The following CADM2 variants were observed in gnomAD, a reference collection of about 807,000 sequenced individuals.
The protein encoded by CADM2 is cell adhesion molecule 2, also known as immunoglobulin superfamily member 4D.
Under a neutral mutation model 49.8 loss-of-function variants are expected in CADM2, and 12 were observed. The observed-to-expected ratio is 0.24, with a 90% CI of 0.15 to 0.39. The LOEUF (loss-of-function observed/expected upper bound fraction) is 0.39. Among genes scored for constraint, CADM2 ranks in the 10% least tolerant of loss-of-function variants. The pLI is 1.00. For synonymous variants in CADM2, 214 were observed against 175.4 expected, an observed-to-expected ratio of 1.22 and a Z score of -1.74; for missense variants, 378 against 492.3, an observed-to-expected ratio of 0.77 and a Z score of 2.20.
chr3:85,189,976 T>A (rs1576078220), intron 1 of CADM2, among the ~76,000 whole-genome samples: 1 of 81,176 alleles, frequency 1.2e-5, no homozygotes, highest in East Asian at 3.6e-4. Flanking sequence ...TTTTTTTTTT[T>A]AGTGTCTGCA....
chr3:85,837,698 A>G (rs538786477), intron 3 of CADM2, among the ~76,000 whole-genome samples: 13 of 151,912 alleles, frequency 8.6e-5, no homozygotes, highest in Middle Eastern at 6.8e-3. Flanking sequence ...CTGACAAACA[A>G]TATACTGCTT....
chr3:85,536,591 C>T (rs561925365), intron 1 of CADM2, among the ~76,000 whole-genome samples: 1 of 152,050 alleles, frequency 6.6e-6, no homozygotes, highest in Non-Finnish European at 1.5e-5. Flanking sequence ...GTGGTTCTGA[C>T]TTGCATTTTC....
intron 1 of CADM2, among the ~76,000 whole-genome samples, chr3:85,365,484 GT>G (rs1454134997): frequency 1.3e-5 from 2 of 152,068 alleles, no homozygotes. Flanking sequence ...ATTTCTGTTA[GT>G]AATAGCCTTG....
intron 1 of CADM2, among the ~76,000 whole-genome samples, chr3:85,391,057 A>G (rs2107395871): frequency 6.6e-6 from 1 of 152,146 alleles, no homozygotes; most frequent in South Asian, 2.1e-4. Context: ...CAAGGCTAGG[A>G]GAAGATCCAG....
chr3:85,558,602 A>G (rs907697865), intron 1 of CADM2, among the ~76,000 whole-genome samples: 16 of 152,036 alleles, frequency 1.1e-4, no homozygotes, highest in Non-Finnish European at 2.2e-4. Flanking sequence ...TTCTATGTAA[A>G]TGTGTGAATA....
intron 1 of CADM2, among the ~76,000 whole-genome samples, chr3:85,526,084 G>T (rs2061153013): frequency 6.6e-6 from 1 of 152,070 alleles, no homozygotes; most frequent in Non-Finnish European, 1.5e-5. Context: ...TCGTGAGTCA[G>T]CCAGGCCTCT....
chr3:85,234,052 G>A (rs1189286997), intron 1 of CADM2, among the ~76,000 whole-genome samples: 1 of 152,034 alleles, frequency 6.6e-6, no homozygotes, highest in East Asian at 1.9e-4. Context: ...TATGTCACTT[G>A]ATTAGGTACT....
Position 86,068,131 on chromosome 3 carries a change from T to C in CADM2, c.*1348T>C, listed in dbSNP as rs1040859182. The C allele has an allele frequency of 6.8e-4, 103 of 152,558 alleles. No homozygotes were observed. The highest frequency in any genetic ancestry group is 2.4e-3 in the African/African-American group (100 of 41,564). 9.5% of individuals were successfully genotyped at this position (152,558 alleles called of 1,614,324 possible). Reference sequence around the variant, plus strand: ...ATTCTTTATATTAAATTCCTGTCTATGCATTTTGTGAGGTACAAACTGATG... The same window carrying C: ...ATTCTTTATATTAAATTCCTGTCTACGCATTTTGTGAGGTACAAACTGATG... On this transcript the variant is annotated 3_prime_UTR_variant, in exon 10 of 10. Transcript: ENST00000383699.
intron 8 of CADM2, among the ~76,000 whole-genome samples, chr3:86,041,439 C>A (rs986115437): frequency 6.6e-6 from 1 of 152,086 alleles, no homozygotes; most frequent in Non-Finnish European, 1.5e-5. Context: ...ATCCTAGTCT[C>A]TGATAAAACA....
At chr3:85,469,462 C>A (rs1320768601) in intron 1 of CADM2, among the ~76,000 whole-genome samples, 1 of 151,880 alleles carries the variant, frequency 6.6e-6, no homozygotes, top group South Asian at 2.1e-4. Context: ...CCAAATGGAC[C>A]CAATAGTTTA....
chr3:85,625,209 A>G (rs1237173403), intron 1 of CADM2, among the ~76,000 whole-genome samples: 1 of 152,166 alleles, frequency 6.6e-6, no homozygotes, highest in Admixed American at 6.6e-5. Flanking sequence ...GAAAACTCAG[A>G]CCCAAATTCT....
chr3:85,905,758 A>G (rs929639188), intron 5 of CADM2, among the ~76,000 whole-genome samples: 2 of 152,150 alleles, frequency 1.3e-5, no homozygotes, highest in Non-Finnish European at 2.9e-5. Flanking sequence ...GAATGTCCCA[A>G]TGGGTAATTT....
chr3:85,683,550 G>T (rs138993930), intron 1 of CADM2, among the ~76,000 whole-genome samples: 48 of 152,172 alleles, frequency 3.2e-4, no homozygotes, highest in Non-Finnish European at 5.0e-4. Flanking sequence ...TACATGAAAA[G>T]AAAAATATAA....
At chr3:85,294,058 A>G (rs1576299411) in intron 1 of CADM2, among the ~76,000 whole-genome samples, 1 of 151,854 alleles carries the variant, frequency 6.6e-6, no homozygotes, top group Middle Eastern at 3.4e-3. Flanking sequence ...TCAGCCCAAC[A>G]TCTTCTTAAG....
intron 1 of CADM2, among the ~76,000 whole-genome samples, chr3:85,117,490 G>C (rs2038680406): frequency 6.6e-6 from 1 of 152,106 alleles, no homozygotes; most frequent in South Asian, 2.1e-4. Flanking sequence ...TTATGGATTA[G>C]TGTAAAAAAG....
At chr3:85,879,069 A>T (rs1206380103) in intron 3 of CADM2, among the ~76,000 whole-genome samples, 1 of 150,402 alleles carries the variant, frequency 6.6e-6, no homozygotes, top group Non-Finnish European at 1.5e-5. Context: ...AAAATTATAT[A>T]TAAATACATA....
intron 7 of CADM2, among the ~76,000 whole-genome samples, chr3:85,957,847 C>T (rs1293726622): frequency 2.0e-5 from 3 of 151,856 alleles, no homozygotes; most frequent in Admixed American, 6.6e-5. Context: ...CTATCAAAAC[C>T]CTAGGAGAAA....
At chr3:85,511,357 C>A (rs987320110) in intron 1 of CADM2, among the ~76,000 whole-genome samples, 4 of 152,050 alleles carry the variant, frequency 2.6e-5, no homozygotes, top group Non-Finnish European at 5.9e-5. Context: ...TTGTAATTTG[C>A]AAACAGTGTA....
At chr3:85,769,369 TAC>T (rs1321739557) in intron 2 of CADM2, among the ~76,000 whole-genome samples, 5 of 113,438 alleles carry the variant, frequency 4.4e-5, no homozygotes, top group East Asian at 2.3e-4. Context: ...AGTATATATA[TAC>T]ACGTATATAC....
Sources: allele counts gnomAD v4.1 joint callset (sites outside exome capture counted in the v4.1 genomes callset), GRCh38; gene constraint gnomAD v4.1.1; transcripts MANE v1.5; gene names NCBI Gene and HGNC (gene_info 2026-07-23, HGNC 2026-07-21).